VPS13B: variants seen among roughly 807,000 people sequenced by gnomAD.
VPS13B encodes the protein intermembrane lipid transfer protein VPS13B.
Under a neutral mutation model 426.4 loss-of-function variants are expected in VPS13B, and 285 were observed. The ratio of observed to expected loss-of-function variants is 0.67; its 90% CI spans 0.61 to 0.74. The LOEUF is 0.74. Among genes scored for constraint, VPS13B ranks in the 30% least tolerant of loss-of-function variants. The pLI is 0.00. For synonymous variants in VPS13B, 1,676 were observed against 1,676.4 expected (o/e 1.00, Z 0.01); for missense variants, 4,537 against 4,782.6 (o/e 0.95, Z 1.51).
chr8:99,115,330 T>G (rs1847599413), intron 6 of VPS13B, among the ~76,000 whole-genome samples: 1 of 152,068 alleles, frequency 6.6e-6, no homozygotes, highest in Admixed American at 6.5e-5. Flanking sequence ...TTTGACAGAT[T>G]GTTCTGTTTT....
At chr8:99,472,198 C>G (rs1819447478) in intron 24 of VPS13B, among the ~76,000 whole-genome samples, 1 of 151,878 alleles carries the variant, frequency 6.6e-6, no homozygotes, top group African/African-American at 2.4e-5. Context: ...GATAAAACAA[C>G]TGGATTAAAA....
intron 19 of VPS13B, among the ~76,000 whole-genome samples, chr8:99,288,317 T>C (rs1227225521): frequency 6.6e-6 from 1 of 152,044 alleles, no homozygotes; most frequent in Non-Finnish European, 1.5e-5. Context: ...CTCCCAGTCA[T>C]ACTTTTACTC....
chr8:99,821,167 C>CACACACACACACACACACACACA (rs1588747148), intron 49 of VPS13B, 127 bp from the exon 50 acceptor site: 1 of 515,422 alleles, frequency 1.9e-6, no homozygotes, highest in African/African-American at 2.3e-5. Flanking sequence ...CACACACACA[C>CACACACACACACACACACACACA]CATGGAGGGA....
rs531503651 is a variant in VPS13B at position 99,528,540 on chromosome 8, A to G, written c.4745+7530A>G. ...TCATTGTAGTTCTGATAGATTCTGT[A>G]TCATAATAATTGCATGCTTTGTCTA... is the stretch of plus-strand genomic sequence containing the variant. On this transcript the variant is annotated intron_variant, in intron 30 of 61. Coordinates refer to ENST00000357162, the MANE Select transcript of VPS13B (RefSeq NM_152564.5). 4.6e-5 allele frequency among the ~76,000 whole-genome samples: 7 copies of G among 152,250 alleles called. No homozygotes were observed. In the South Asian group the frequency reaches 1.2e-3, roughly 27 times the overall value.
At chr8:99,871,896 A>G (rs570313129) in intron 61 of VPS13B, among the ~76,000 whole-genome samples, 199 bp downstream of exon 61, 2 of 152,340 alleles carry the variant, frequency 1.3e-5, no homozygotes, top group South Asian at 2.1e-4. Flanking sequence ...CCATCCAGAT[A>G]TGCACATAAG....
intron 59 of VPS13B, among the ~76,000 whole-genome samples, chr8:99,869,071 A>G (rs555791358): frequency 6.6e-6 from 1 of 152,354 alleles, no homozygotes; most frequent in East Asian, 1.9e-4. Flanking sequence ...CACACGAGTA[A>G]TGGGTGCCTG....
chr8:99,190,612 G>A (rs1813510570), intron 16 of VPS13B, among the ~76,000 whole-genome samples: 1 of 151,710 alleles, frequency 6.6e-6, no homozygotes, highest in African/African-American at 2.4e-5. Flanking sequence ...TTGTTCTAGG[G>A]TTTACAGTTT....
chr8:99,690,373 A>C (rs1831601845), intron 35 of VPS13B, among the ~76,000 whole-genome samples: 1 of 152,214 alleles, frequency 6.6e-6, no homozygotes, highest in African/African-American at 2.4e-5. Context: ...ATAGGTGTAA[A>C]TCTTTGTGAC....
intron 19 of VPS13B, among the ~76,000 whole-genome samples, chr8:99,310,027 C>G (rs575139345): frequency 7.2e-5 from 11 of 152,128 alleles, no homozygotes; most frequent in East Asian, 1.9e-4. Flanking sequence ...TTTGTACATT[C>G]ATTTTGTATC....
intron 34 of VPS13B, among the ~76,000 whole-genome samples, chr8:99,660,253 A>G (rs1175879109): frequency 1.3e-5 from 2 of 152,240 alleles, no homozygotes; most frequent in African/African-American, 2.4e-5. Context: ...TGATAAGGTC[A>G]AGAAATACAA....
At chr8:99,783,496 A>C (rs1161662484) in intron 42 of VPS13B, among the ~76,000 whole-genome samples, 1 of 152,202 alleles carries the variant, frequency 6.6e-6, no homozygotes, top group East Asian at 1.9e-4. Flanking sequence ...AGAGTAAGCA[A>C]GGAAATACTT....
intron 33 of VPS13B, among the ~76,000 whole-genome samples, chr8:99,624,680 C>T (rs1828526945): frequency 6.6e-6 from 1 of 152,056 alleles, no homozygotes; most frequent in Non-Finnish European, 1.5e-5. Context: ...TTTTAATGAA[C>T]ATTTTTGTTC....
chr8:99,353,855 C>T (rs575775843), intron 19 of VPS13B, among the ~76,000 whole-genome samples: 2 of 152,158 alleles, frequency 1.3e-5, no homozygotes, highest in South Asian at 4.1e-4. Flanking sequence ...AAAATAAAAA[C>T]TTCGAAGACT....
Position 99,876,053 on chromosome 8 carries a change from CTA to C in VPS13B, c.*389_*390del. The C allele has an allele frequency of 4.2e-6, 1 of 238,524 alleles. No individual in the cohort carries two copies. The highest frequency in any genetic ancestry group is 5.2e-5 in the Admixed American group (1 of 19,368). 14.8% of individuals were successfully genotyped at this position (238,524 alleles called of 1,614,324 possible). The stretch of plus-strand genomic sequence containing the variant: ...TACAGAGGATGCATTTATTTTTGCT[CTA>C]TGACACTTGCAAAAATCTCTACTGT... On this transcript the variant is annotated 3_prime_UTR_variant, in exon 62 of 62. Transcript: ENST00000357162.
intron 19 of VPS13B, among the ~76,000 whole-genome samples, chr8:99,281,727 G>A (rs1232074794): frequency 2.6e-5 from 4 of 152,196 alleles, no homozygotes; most frequent in Admixed American, 2.6e-4. Flanking sequence ...GGTAGCGTAT[G>A]ATCTTAGGTC....
rs181994091 is a variant in VPS13B at position 99,471,121 on chromosome 8, A to G, written c.3666+3487A>G. ...AGAAAAGCTAAGAAAGTTTGTCACC[A>G]GCTGCTCTATTCTACAAGAAATGCT... On this transcript the variant is annotated intron_variant, in intron 24 of 61. Transcript: ENST00000357162. Among the ~76,000 whole-genome samples, 4 of 152,264 alleles carry G rather than the reference A, an allele frequency of 2.6e-5. No individual in the cohort carries two copies. In the East Asian group the frequency reaches 7.7e-4, roughly 29 times the overall value.
intron 19 of VPS13B, chr8:99,347,250 A>C (rs1327312643): frequency 6.6e-6 from 1 of 152,180 alleles, no homozygotes; most frequent in African/African-American, 2.4e-5. Flanking sequence ...ACCCACTTTG[A>C]TGTCCAAAGG....
intron 32 of VPS13B, among the ~76,000 whole-genome samples, chr8:99,576,355 C>G (rs1825774236): frequency 6.6e-6 from 1 of 151,834 alleles, no homozygotes; most frequent in South Asian, 2.1e-4. Flanking sequence ...TTTTTGTGCT[C>G]TTGGGTAATG....
At chr8:99,801,585 A>C (rs1344808160) in intron 43 of VPS13B, among the ~76,000 whole-genome samples, 2 of 152,122 alleles carry the variant, frequency 1.3e-5, no homozygotes, top group African/African-American at 2.4e-5. Flanking sequence ...GTTCTATTTC[A>C]ACATGTCTTT....
Sources: gnomAD v4.1 joint callset for allele counts (sites outside exome capture counted in the v4.1 genomes callset) on GRCh38, gnomAD v4.1.1 for gene constraint, MANE v1.5 for transcripts, NCBI Gene and HGNC (gene_info 2026-07-23, HGNC 2026-07-21) for gene names.